Variants in RAB28 observed in about 807,000 individuals in gnomAD.
RAB28 encodes the protein RAB28, member RAS oncogene family.
In RAB28, 24 loss-of-function variants were observed where a neutral mutation model predicts 31.7. That is an observed-to-expected ratio of 0.76 (90% CI 0.55 to 1.06). RAB28 has a LOEUF of 1.06. Ranked by LOEUF, RAB28 falls within the 50% of genes least tolerant of loss-of-function variation. The probability of loss-of-function intolerance (pLI) is 0.00; values close to 1 mark genes in which losing one functional copy is unlikely to be tolerated. For synonymous variants in RAB28, 100 were observed against 90.4 expected, an observed-to-expected ratio of 1.11 and a Z score of -0.60; for missense variants, 254 against 258.5, an observed-to-expected ratio of 0.98 and a Z score of 0.12.
chr4:13,423,087 G>A (rs759086692), intron 4 of RAB28, among the ~76,000 whole-genome samples: 3 of 152,126 alleles, frequency 2.0e-5, no homozygotes, highest in Non-Finnish European at 4.4e-5. Context: ...TTACTAGACT[G>A]ATAGAAGGAT....
At chr4:13,377,956 G>A (rs1300822489) in intron 5 of RAB28, among the ~76,000 whole-genome samples, 1 of 152,188 alleles carries the variant, frequency 6.6e-6, no homozygotes, top group Non-Finnish European at 1.5e-5. Context: ...AAGTGAGGAA[G>A]ACTGTGAGAG....
chr4:13,395,613 A>C (rs950171684), intron 4 of RAB28, among the ~76,000 whole-genome samples: 1 of 151,868 alleles, frequency 6.6e-6, no homozygotes, highest in African/African-American at 2.4e-5. Context: ...ATCCACCTAT[A>C]TGACTACTGA....
At chr4:13,373,971 GTA>G (rs1016690990) in intron 6 of RAB28, among the ~76,000 whole-genome samples, 7 of 142,920 alleles carry the variant, frequency 4.9e-5, no homozygotes, top group Non-Finnish European at 3.1e-5. Flanking sequence ...GTGTGTGTGT[GTA>G]TATATGTGTG....
rs1716771749 is a variant in RAB28 at position 13,484,317 on chromosome 4, C to G, written c.-167G>C. The G allele has an allele frequency of 1.6e-6, 1 of 610,412 alleles. No individual in the cohort carries two copies. The highest frequency in any genetic ancestry group is 2.5e-5 in the Admixed American group (1 of 40,064). The allele number at this position is 610,412 out of a possible 1,614,324, so 37.8% of individuals were successfully genotyped here. ...AGGAGAATCACTCGGCAAGCGCCATCTTGCCCACCTCCCCGCCCTCTGCGC... is the reference window on the plus strand; with the variant it reads ...AGGAGAATCACTCGGCAAGCGCCATGTTGCCCACCTCCCCGCCCTCTGCGC... On this transcript the variant is annotated 5_prime_UTR_variant, in exon 1 of 7. Coordinates refer to ENST00000330852, the MANE Select transcript of RAB28 (RefSeq NM_001017979.3).
At chr4:13,401,530 T>A (rs1711752516) in intron 4 of RAB28, among the ~76,000 whole-genome samples, 1 of 152,150 alleles carries the variant, frequency 6.6e-6, no homozygotes, top group Non-Finnish European at 1.5e-5. Context: ...TAAAATAATT[T>A]TAAAAAAAAT....
intron 6 of RAB28, among the ~76,000 whole-genome samples, chr4:13,369,366 A>AT (rs1728630057): frequency 6.6e-6 from 1 of 152,092 alleles, no homozygotes; most frequent in African/African-American, 2.4e-5. Context: ...TCCCTCTAAC[A>AT]CACACTTCAA....
At chr4:13,433,401 T>C (rs1259477515) in intron 4 of RAB28, among the ~76,000 whole-genome samples, 2 of 152,114 alleles carry the variant, frequency 1.3e-5, no homozygotes, top group Non-Finnish European at 1.5e-5. Context: ...TTTTGCACAC[T>C]ATGTATCCAG....
At chr4:13,405,530 T>C (rs992365923) in intron 4 of RAB28, among the ~76,000 whole-genome samples, 1 of 152,166 alleles carries the variant, frequency 6.6e-6, no homozygotes, top group African/African-American at 2.4e-5. Flanking sequence ...TTTCACTGAC[T>C]ACAAGATTAA....
At chr4:13,409,902 T>C (rs554017156) in intron 4 of RAB28, among the ~76,000 whole-genome samples, 1 of 152,236 alleles carries the variant, frequency 6.6e-6, no homozygotes, top group African/African-American at 2.4e-5. Context: ...TCATGCTAAA[T>C]TGTGATCCTG....
At chr4:13,372,723 T>C (rs1728763076) in intron 6 of RAB28, among the ~76,000 whole-genome samples, 1 of 152,024 alleles carries the variant, frequency 6.6e-6, no homozygotes. Context: ...AATTAACATG[T>C]GGGTAAGAAG....
In RAB28 at chr4:13,381,481, T is replaced by G. The variant is rs762469355; in HGVS notation, c.495+10A>C. 9 of 1,572,706 alleles carry G rather than the reference T, an allele frequency of 5.7e-6. No homozygotes were observed. Among genetic ancestry groups the G allele is most frequent in the Non-Finnish European group, 7.0e-6 (8 of 1,143,962 alleles). ...AAAACATCACATACAGTATTCATTA[T>G]TTTACTTACAGAGTCTCCTGTCTTG... is the stretch of plus-strand genomic sequence containing the variant. On this transcript the variant is annotated intron_variant, in intron 5 of 6. Coordinates refer to ENST00000330852, the MANE Select transcript of RAB28 (RefSeq NM_001017979.3).
intron 4 of RAB28, among the ~76,000 whole-genome samples, chr4:13,401,865 T>C (rs1315727607): frequency 6.6e-6 from 1 of 152,236 alleles, no homozygotes; most frequent in Non-Finnish European, 1.5e-5. Flanking sequence ...CTTACATCAC[T>C]GATTTTGAAA....
At chr4:13,415,632 C>T (rs1248677736) in intron 4 of RAB28, among the ~76,000 whole-genome samples, 1 of 152,298 alleles carries the variant, frequency 6.6e-6, no homozygotes. Context: ...GCCTGCAGCC[C>T]GCCATGCCTG....
At chr4:13,409,697 G>C (rs952620869) in intron 4 of RAB28, among the ~76,000 whole-genome samples, 1 of 152,194 alleles carries the variant, frequency 6.6e-6, no homozygotes, top group Admixed American at 6.5e-5. Context: ...GGGTCAAAAA[G>C]TATGCCTAAC....
At chr4:13,483,383 G>C (rs758915226) in intron 1 of RAB28, among the ~76,000 whole-genome samples, 1 of 152,160 alleles carries the variant, frequency 6.6e-6, no homozygotes, top group African/African-American at 2.4e-5. Flanking sequence ...ATAAACACTT[G>C]TTGACTGACT....
intron 4 of RAB28, among the ~76,000 whole-genome samples, chr4:13,417,486 G>C (rs1712849140): frequency 6.6e-6 from 1 of 152,200 alleles, no homozygotes; most frequent in Non-Finnish European, 1.5e-5. Flanking sequence ...ACACCTCCCA[G>C]TAGGGGCCAA....
At chr4:13,390,775 G>C (rs1336429330) in intron 4 of RAB28, among the ~76,000 whole-genome samples, 5 of 152,212 alleles carry the variant, frequency 3.3e-5, no homozygotes, top group Non-Finnish European at 7.4e-5. Context: ...TCTGATCTTT[G>C]ACAAACCTGA....
At chr4:13,449,556 A>C (rs546440911) in intron 4 of RAB28, among the ~76,000 whole-genome samples, 1 of 151,906 alleles carries the variant, frequency 6.6e-6, no homozygotes, top group Non-Finnish European at 1.5e-5. Flanking sequence ...GTAAAACATC[A>C]CTTCCTGGGC....
intron 4 of RAB28, among the ~76,000 whole-genome samples, chr4:13,399,664 C>T (rs1241076774): frequency 1.3e-5 from 2 of 152,118 alleles, no homozygotes; most frequent in Non-Finnish European, 2.9e-5. Flanking sequence ...ATTTTGCATT[C>T]CTTGATTAGT....
Sources: gnomAD v4.1 joint callset for allele counts (sites outside exome capture counted in the v4.1 genomes callset) on GRCh38, gnomAD v4.1.1 for gene constraint, MANE v1.5 for transcripts, NCBI Gene and HGNC (gene_info 2026-07-23, HGNC 2026-07-21) for gene names.